Variants in ZNF649 observed in about 807,000 individuals in gnomAD.
The protein encoded by ZNF649 is zinc finger protein 649.
In ZNF649, 7 loss-of-function variants were observed where a neutral mutation model predicts 14.1. The ratio of observed to expected loss-of-function variants is 0.49; its 90% CI spans 0.28 to 0.93. ZNF649 has a LOEUF of 0.93. Among genes scored for constraint, ZNF649 ranks in the 40% least tolerant of loss-of-function variants. The pLI is 0.10. For missense variants in ZNF649, 544 were observed against 608.1 expected, an observed-to-expected ratio of 0.89 and a Z score of 1.11; for synonymous variants, 227 against 212.3, an observed-to-expected ratio of 1.07 and a Z score of -0.60.
chr19:51,895,043 A>T (rs2085051362), intron 4 of ZNF649, among the ~76,000 whole-genome samples: 1 of 152,222 alleles, frequency 6.6e-6, no homozygotes, highest in African/African-American at 2.4e-5. Context: ...TGCATGAATG[A>T]CCAAGATGTA....
chr19:51,897,025 G>A, intron 2 of ZNF649, 47 bp from the exon 3 acceptor site: 1 of 1,611,266 alleles, frequency 6.2e-7, no homozygotes, highest in Non-Finnish European at 8.5e-7. Context: ...TTATTGACAT[G>A]GAAGAAATAT....
chr19:51,890,421 A>G lies in ZNF649; in HGVS notation c.*197T>C. 1 of 506,516 alleles carries G rather than the reference A, an allele frequency of 2.0e-6. No homozygotes were observed. Among genetic ancestry groups the G allele is most frequent in the Non-Finnish European group, 3.4e-6 (1 of 290,578 alleles). 31.4% of individuals were successfully genotyped at this position (506,516 alleles called of 1,614,324 possible). ...CTAAAACTGCCCCCCTCCCCAGCCA[A>G]ACTCTATGATCAAGATAGTAAATGA... On this transcript the variant is annotated 3_prime_UTR_variant, in exon 5 of 5. Transcript: ENST00000354957.
In ZNF649 at chr19:51,891,832, C is replaced by CCGT. The variant is rs370980768; in HGVS notation, c.301_303dup (p.Thr101dup). ...GTTCTTCCGTGTTCATAGCGTTGTC[C>CCGT]CGTCCTCTTCAGTATTTTTTGGTTT... On this transcript the variant is annotated inframe_insertion, in exon 5 of 5. Coordinates refer to ENST00000354957, the MANE Select transcript of ZNF649 (RefSeq NM_023074.4). The surrounding 1 kb of genome is among the most constrained non-coding windows in gnomAD (Gnocchi z 4.2). The CCGT allele has an allele frequency of 8.8e-6, 14 of 1,594,534 alleles. No homozygotes were observed. The highest frequency in any genetic ancestry group is 8.2e-5 in the African/African-American group (6 of 73,454).
At chr19:51,895,296 A>C (rs1458952609) in intron 4 of ZNF649, among the ~76,000 whole-genome samples, 1 of 152,196 alleles carries the variant, frequency 6.6e-6, no homozygotes, top group Admixed American at 6.5e-5. Context: ...GTGAAAAACA[A>C]ACCATAATCA....
At chr19:51,898,840 A>G (rs111312408) in intron 2 of ZNF649, among the ~76,000 whole-genome samples, 38,277 of 151,878 alleles carry the variant, frequency 0.25, 7,336 homozygotes, top group African/African-American at 0.54. Context: ...TTGAACCCAG[A>G]AGGTGGAGGA....
Position 51,890,698 on chromosome 19 carries a change from G to A in ZNF649, c.1438C>T (p.Gln480Ter). ...ACCATATTAACAGGGCTTTTCCCCTGCACATGTTCACTAGGACTTAAGCTG... is the reference window on the plus strand; with the variant it reads ...ACCATATTAACAGGGCTTTTCCCCTACACATGTTCACTAGGACTTAAGCTG... The part of the protein sequence containing the change: ...SHSLSPSEHV[Q>*]GKSPVNMVTV... Residue 480 changes from glutamine to a stop codon, truncating the protein, a stop_gained, in exon 5 of 5, where the codon CAG becomes TAG. Transcript: ENST00000354957. LOFTEE classifies it low-confidence loss of function (END_TRUNC). 6.2e-7 allele frequency: 1 copy of A among 1,614,194 alleles called. No individual in the cohort carries two copies. The highest frequency in any genetic ancestry group is 8.5e-7 in the Non-Finnish European group (1 of 1,180,038).
At chr19:51,895,045 CAAG>C (rs1258597133) in intron 4 of ZNF649, among the ~76,000 whole-genome samples, 1 of 152,068 alleles carries the variant, frequency 6.6e-6, no homozygotes, top group Non-Finnish European at 1.5e-5. Flanking sequence ...CATGAATGAC[CAAG>C]ATGTATTTCA....
intron 4 of ZNF649, among the ~76,000 whole-genome samples, chr19:51,895,702 A>G (rs10420224): frequency 0.21 from 31,187 of 151,698 alleles, 3,817 homozygotes; most frequent in South Asian, 0.38. Context: ...TGCTTATGGC[A>G]CTCTTTCTCC....
intron 4 of ZNF649, among the ~76,000 whole-genome samples, chr19:51,895,393 G>A (rs536690992): frequency 6.6e-6 from 1 of 152,102 alleles, no homozygotes; most frequent in South Asian, 2.1e-4. Context: ...ACCCAGGCTG[G>A]AGTGAAATGG....
intron 1 of ZNF649, among the ~76,000 whole-genome samples, chr19:51,901,159 G>T (rs58927826): frequency 0.088 from 13,392 of 152,146 alleles, 1,866 homozygotes; most frequent in African/African-American, 0.29. Flanking sequence ...TGTGTGCCAT[G>T]GTTTTTATTG....
chr19:51,892,411 G>T (rs2085030117), intron 4 of ZNF649, among the ~76,000 whole-genome samples: 1 of 152,066 alleles, frequency 6.6e-6, no homozygotes, highest in South Asian at 2.1e-4. Flanking sequence ...AGGCACAGTG[G>T]CTCATGCCTG....
chr19:51,897,878 T>C (rs976903660), intron 2 of ZNF649, among the ~76,000 whole-genome samples: 1 of 151,878 alleles, frequency 6.6e-6, no homozygotes, highest in Non-Finnish European at 1.5e-5. Flanking sequence ...ACCCAGCACT[T>C]TGGGAGGCAA....
At chr19:51,903,279 C>T (rs1337859455) in intron 1 of ZNF649, among the ~76,000 whole-genome samples, 4 of 151,972 alleles carry the variant, frequency 2.6e-5, no homozygotes, top group African/African-American at 9.7e-5. Flanking sequence ...AAACACTAAC[C>T]ACTGGTGATC....
Position 51,890,611 on chromosome 19 carries a change from CTG to C in ZNF649, c.*5_*6del, listed in dbSNP as rs1313120025. On this transcript the variant is annotated 3_prime_UTR_variant, in exon 5 of 5. Coordinates refer to ENST00000354957, the MANE Select transcript of ZNF649 (RefSeq NM_023074.4). The stretch of plus-strand genomic sequence containing the variant: ...GGAGGCTATATGATCAAACAGCAAA[CTG>C]TTTATCATGAATGCAGGATGTGGGC... The C allele has an allele frequency of 1.3e-6, 2 of 1,586,964 alleles. No individual in the cohort carries two copies. The highest frequency in any genetic ancestry group is 1.3e-5 in the African/African-American group (1 of 74,448).
chr19:51,904,458 TAC>T lies in ZNF649; in HGVS notation c.-188+454_-188+455del, dbSNP rs1471175762. Among the ~76,000 whole-genome samples the T allele has an allele frequency of 2.0e-5, 3 of 151,888 alleles. No homozygotes were observed. The East Asian group carries it at 5.9e-4, about 30-fold the overall frequency. ...CAGCCAGGGGCCTGGGCTTGTAAAA[TAC>T]CAGATTTTACAAGCCTCTGAGCCCC... On this transcript the variant is annotated intron_variant, in intron 1 of 4. Coordinates refer to ENST00000354957, the MANE Select transcript of ZNF649 (RefSeq NM_023074.4).
At chr19:51,900,051 C>T (rs2085086209) in intron 2 of ZNF649, 42 bp downstream of exon 2, 2 of 1,455,604 alleles carry the variant, frequency 1.4e-6, no homozygotes, top group South Asian at 1.7e-5. Flanking sequence ...TCCACAAATC[C>T]ATCAGGGAAT....
At position 51,890,693 on chromosome 19, in the gene ZNF649, C is replaced by G; in HGVS notation, c.1443G>C (p.Gly481=). 1 of 1,614,190 alleles carries G rather than the reference C, an allele frequency of 6.2e-7. No homozygotes were observed. The highest frequency in any genetic ancestry group is 1.1e-5 in the South Asian group (1 of 91,082). Residue 481 remains glycine (G), a synonymous_variant, in exon 5 of 5, where the codon GGG becomes GGC. Coordinates refer to ENST00000354957, the MANE Select transcript of ZNF649 (RefSeq NM_023074.4). ...HSLSPSEHVQ[G]KSPVNMVTVA... The stretch of plus-strand genomic sequence containing the variant: ...CAGTTACCATATTAACAGGGCTTTT[C>G]CCCTGCACATGTTCACTAGGACTTA...
In ZNF649 at chr19:51,896,996, T is replaced by G. The variant is rs1396195162; in HGVS notation, c.16-18A>C. Reference sequence around the variant, plus strand: ...AGTGATTCCTGTAATAACACAGTCCTGCTTAATATGTTTCTCTTTTATTGA... The same window carrying G: ...AGTGATTCCTGTAATAACACAGTCCGGCTTAATATGTTTCTCTTTTATTGA... On this transcript the variant is annotated intron_variant, in intron 2 of 4. Coordinates refer to ENST00000354957, the MANE Select transcript of ZNF649 (RefSeq NM_023074.4). 3 of 1,613,670 alleles carry G rather than the reference T, an allele frequency of 1.9e-6. No homozygotes were observed. The Admixed American group carries it at 5.0e-5, about 27-fold the overall frequency.
intron 2 of ZNF649, chr19:51,897,188 C>G: frequency 1.7e-6 from 1 of 594,340 alleles, no homozygotes; most frequent in South Asian, 2.0e-5. Flanking sequence ...TTATGTTACT[C>G]TGTATAAGCG....
Sources: allele counts gnomAD v4.1 joint callset (sites outside exome capture counted in the v4.1 genomes callset), GRCh38; gene constraint gnomAD v4.1.1; non-coding constraint Gnocchi (gnomAD v3.1); transcripts MANE v1.5; gene names NCBI Gene and HGNC (gene_info 2026-07-23, HGNC 2026-07-21).